The following TULP1 variants were observed in gnomAD, a reference collection of about 807,000 sequenced individuals.
The protein encoded by TULP1 is TUB like protein 1, also known as tubby-related protein 1.
TULP1 carries 50 observed loss-of-function variants against 67.1 expected under a neutral mutation model. That is an observed-to-expected ratio of 0.75 (90% CI 0.59 to 0.94). The LOEUF is 0.94. Ranked by LOEUF, TULP1 falls within the 40% of genes least tolerant of loss-of-function variation. The pLI is 0.00. For synonymous variants in TULP1, 297 were observed against 294.0 expected, an observed-to-expected ratio of 1.01 and a Z score of -0.11; for missense variants, 746 against 734.1, an observed-to-expected ratio of 1.02 and a Z score of -0.19.
At position 35,503,993 on chromosome 6, in the gene TULP1, G is replaced by T. The variant is rs890096636; in HGVS notation, c.1113-145C>A. ...TGAGCAATTCATGTCCCCTGCCCCA[G>T]GCTTCCCCCTATGCAGAGGTCTTTT... is the stretch of plus-strand genomic sequence containing the variant. On this transcript the variant is annotated intron_variant, in intron 11 of 14. Coordinates refer to ENST00000229771, the MANE Select transcript of TULP1 (RefSeq NM_003322.6). This position sits in a 1 kb window ranked among gnomAD's most constrained non-coding sequence, Gnocchi z 4.0. The T allele has an allele frequency of 6.2e-6, 4 of 642,366 alleles. No homozygotes were observed. Among genetic ancestry groups the T allele is most frequent in the Non-Finnish European group, 1.1e-5 (4 of 364,398 alleles). The allele number at this position is 642,366 out of a possible 1,614,324, so 39.8% of individuals were successfully genotyped here.
In TULP1 at chr6:35,510,973, TTCCTCGTCC is replaced by T. The variant is rs758969883; in HGVS notation, c.378_386del (p.Asp127_Glu129del). 4.4e-5 allele frequency: 70 copies of T among 1,603,002 alleles called. No individual in the cohort carries two copies. Among genetic ancestry groups the T allele is most frequent in the Middle Eastern group, 3.3e-4 (2 of 6,010 alleles). The stretch of plus-strand genomic sequence containing the variant: ...TCTCTTTCTTTTCCTCTGCCTCCTC[TTCCTCGTCC>T]TCCTCGTCCTCCTCTTCCTCCTCCT... On this transcript the variant is annotated inframe_deletion, in exon 5 of 15. Coordinates refer to ENST00000229771, the MANE Select transcript of TULP1 (RefSeq NM_003322.6).
At chr6:35,511,142 C>G (rs146741084) in intron 4 of TULP1, 132 bp from the exon 5 acceptor site, 1 of 1,530,814 alleles carries the variant, frequency 6.5e-7, no homozygotes, top group Non-Finnish European at 8.7e-7. Context: ...AAACAAGAAC[C>G]GGAGACCTGG....
intron 8 of TULP1, 56 bp from the exon 9 acceptor site, chr6:35,506,335 C>T: frequency 6.5e-7 from 1 of 1,548,690 alleles, no homozygotes; most frequent in East Asian, 2.4e-5. Context: ...TCCCTGGAGG[C>T]GGGGAAGCCA....
chr6:35,512,202 TC>T lies in TULP1; in HGVS notation c.167del (p.Gly56AspfsTer53). ...CACCTCCGGGCTTCCGGGGCTTGGA[TC>T]CCGTGGGGCAGGGGGATTCGGGGGC... is the stretch of plus-strand genomic sequence containing the variant. ...TEAPESPCPT[G>X]SKPRKPGAGR... On this transcript the variant is annotated frameshift_variant, in exon 3 of 15. Coordinates refer to ENST00000229771, the MANE Select transcript of TULP1 (RefSeq NM_003322.6). LOFTEE classifies it high-confidence loss of function. 7.4e-7 allele frequency: 1 copy of T among 1,355,746 alleles called. No homozygotes were observed. The highest frequency in any genetic ancestry group is 9.5e-7 in the Non-Finnish European group (1 of 1,053,110). The allele number at this position is 1,355,746 out of a possible 1,614,324, so 84.0% of individuals were successfully genotyped here.
rs898913478 is a variant in TULP1, at chr6:35,498,165, C to T, written c.*162G>A. ...CGGGCTCCTCCTGCCTCGGCCTGTG[C>T]CAGGCTGGGGAGAGGACGGAGGTCA... On this transcript the variant is annotated 3_prime_UTR_variant, in exon 15 of 15. Coordinates refer to ENST00000229771, the MANE Select transcript of TULP1 (RefSeq NM_003322.6). This position sits in a 1 kb window ranked among gnomAD's most constrained non-coding sequence, Gnocchi z 6.7. 51 of 1,223,862 alleles carry T rather than the reference C, an allele frequency of 4.2e-5. No homozygotes were observed. The highest frequency in any genetic ancestry group is 1.9e-4 in the Admixed American group (8 of 41,246). The allele number at this position is 1,223,862 out of a possible 1,614,324, so 75.8% of individuals were successfully genotyped here. A position where few individuals can be genotyped will look rare whatever the true frequency, so the allele number is the denominator to read the frequency against.
chr6:35,505,956 T>C, intron 10 of TULP1, 47 bp downstream of exon 10: 2 of 1,614,096 alleles, frequency 1.2e-6, no homozygotes, highest in Non-Finnish European at 1.7e-6. Context: ...GTGGCCCCCA[T>C]GCCGGATCCC....
chr6:35,503,428 C>T lies in TULP1; in HGVS notation c.1323+131G>A. 3.2e-6 allele frequency: 3 copies of T among 942,118 alleles called. No individual in the cohort carries two copies. Among genetic ancestry groups the T allele is most frequent in the Non-Finnish European group, 4.9e-6 (3 of 612,632 alleles). 58.4% of individuals were successfully genotyped at this position (942,118 alleles called of 1,614,324 possible). A position where few individuals can be genotyped will look rare whatever the true frequency, so the allele number is the denominator to read the frequency against. ...CAATTACAAAAAGCCCAAGTCCATT[C>T]CCTAGGTGGCCAGAATGAATTTGTG... On this transcript the variant is annotated intron_variant, in intron 13 of 14. Coordinates refer to ENST00000229771, the MANE Select transcript of TULP1 (RefSeq NM_003322.6). The surrounding 1 kb of genome is among the most constrained non-coding windows in gnomAD (Gnocchi z 4.0).
Position 35,497,954 on chromosome 6 carries a change from C to T in TULP1, c.*373G>A, listed in dbSNP as rs978229191. 1.7e-5 allele frequency: 6 copies of T among 351,276 alleles called. No individual in the cohort carries two copies. The highest frequency in any genetic ancestry group is 1.0e-4 in the African/African-American group (5 of 47,900). 21.8% of individuals were successfully genotyped at this position (351,276 alleles called of 1,614,324 possible). ...CACCTACCCCCTCCTCCTAGCCCGCCCCAGCTCCTCGGAGCCCTAGCGCGG... is the reference window on the plus strand; with the variant it reads ...CACCTACCCCCTCCTCCTAGCCCGCTCCAGCTCCTCGGAGCCCTAGCGCGG... On this transcript the variant is annotated 3_prime_UTR_variant, in exon 15 of 15. Coordinates refer to ENST00000229771, the MANE Select transcript of TULP1 (RefSeq NM_003322.6).
In TULP1 at chr6:35,511,936, G is replaced by T. The variant is rs191847245; in HGVS notation, c.191-130C>A. 6.0e-4 allele frequency: 661 copies of T among 1,109,176 alleles called. 3 individuals carry two copies. In the East Asian group the frequency reaches 0.012, roughly 20 times the overall value. The allele number at this position is 1,109,176 out of a possible 1,614,324, so 68.7% of individuals were successfully genotyped here. A position where few individuals can be genotyped will look rare whatever the true frequency, so the allele number is the denominator to read the frequency against. ...CCCTAGGGATCTCCCCTGGGCTTGG[G>T]TTTCCACTTTCAACACTTCTCCCCG... On this transcript the variant is annotated intron_variant, in intron 3 of 14. Coordinates refer to ENST00000229771, the MANE Select transcript of TULP1 (RefSeq NM_003322.6).
At position 35,506,128 on chromosome 6, in the gene TULP1, G is replaced by A. The variant is rs1013492948; in HGVS notation, c.874C>T (p.Arg292Trp). The A allele has an allele frequency of 7.4e-6, 12 of 1,613,532 alleles. No individual in the cohort carries two copies. The highest frequency in any genetic ancestry group is 2.7e-5 in the African/African-American group (2 of 74,920). The change falls in exon 10 of 15, where the codon CGG becomes TGG. Residue 292 changes from arginine (R) to tryptophan (W), a missense_variant. Arg to Trp is a moderately radical substitution (Grantham distance 101, BLOSUM62 -3). Around this residue, in one of 3 missense-constraint regions of TULP1, gnomAD observed 383 missense variants for 374.1 expected, o/e 1.02. Transcript: ENST00000229771. ...PSPPVEVDEP[R>W]EFVLRPAPQG... ...GGGGCAGGCCGGAGCACAAACTCCC[G>A]GGGTTCGTCCACCTCCACGGGGGGA...
At chr6:35,500,268 C>A in intron 13 of TULP1, 116 bp from the exon 14 acceptor site, 1 of 1,101,444 alleles carries the variant, frequency 9.1e-7, no homozygotes, top group Non-Finnish European at 1.4e-6. Context: ...GCCTGGACAT[C>A]TTCATCCATT....
At position 35,512,029 on chromosome 6, in the gene TULP1, A is replaced by G. The variant is rs1298808357; in HGVS notation, c.190+151T>C. ...CCCTTCTACACCAACCCCAACCCCA[A>G]CCCCAACCCCAATCCCTCCCCTCTC... On this transcript the variant is annotated intron_variant, in intron 3 of 14. Coordinates refer to ENST00000229771, the MANE Select transcript of TULP1 (RefSeq NM_003322.6). 3 of 393,236 alleles carry G rather than the reference A, an allele frequency of 7.6e-6. No homozygotes were observed. In the African/African-American group the frequency reaches 9.3e-5, roughly 12 times the overall value. The allele number at this position is 393,236 out of a possible 1,614,324, so 24.4% of individuals were successfully genotyped here. A position where few individuals can be genotyped will look rare whatever the true frequency, so the allele number is the denominator to read the frequency against.
Position 35,512,709 on chromosome 6 carries a change from T to C in TULP1, c.48-19A>G. The C allele has an allele frequency of 6.2e-7, 1 of 1,613,558 alleles. No individual in the cohort carries two copies. The highest frequency in any genetic ancestry group is 8.5e-7 in the Non-Finnish European group (1 of 1,179,962). On this transcript the variant is annotated intron_variant, in intron 1 of 14. Transcript: ENST00000229771. ...ATGCCCACTGAGGGTAGCAAAGGGA[T>C]CAGCCTGTCTCCCTTCCCCTTCCCT...
chr6:35,498,307 G>A lies in TULP1; in HGVS notation c.*20C>T, dbSNP rs377662962. The A allele has an allele frequency of 1.2e-6, 2 of 1,611,184 alleles. No homozygotes were observed. The highest frequency in any genetic ancestry group is 1.7e-6 in the Non-Finnish European group (2 of 1,179,322). ...TCCCCCACGCTGACGGGCTCTGGGG[G>A]CGCTGAGGGGCTGCTGGGGTCACTC... is the stretch of plus-strand genomic sequence containing the variant. On this transcript the variant is annotated 3_prime_UTR_variant, in exon 15 of 15. Coordinates refer to ENST00000229771, the MANE Select transcript of TULP1 (RefSeq NM_003322.6). This position sits in a 1 kb window ranked among gnomAD's most constrained non-coding sequence, Gnocchi z 6.7.
intron 4 of TULP1, among the ~76,000 whole-genome samples, chr6:35,511,382 TC>T: frequency 6.6e-6 from 1 of 152,292 alleles, no homozygotes; most frequent in South Asian, 2.1e-4. Flanking sequence ...CTGGGCTACT[TC>T]TGGCTCCTAA....
At position 35,503,992 on chromosome 6, in the gene TULP1, A is replaced by C. The variant is rs138261061; in HGVS notation, c.1113-144T>G. On this transcript the variant is annotated intron_variant, in intron 11 of 14. Transcript: ENST00000229771. The surrounding 1 kb of genome is among the most constrained non-coding windows in gnomAD (Gnocchi z 4.0). The stretch of plus-strand genomic sequence containing the variant: ...CTGAGCAATTCATGTCCCCTGCCCC[A>C]GGCTTCCCCCTATGCAGAGGTCTTT... 3.3e-3 allele frequency: 2,109 copies of C among 645,862 alleles called. 5 individuals carry two copies. Among genetic ancestry groups the C allele is most frequent in the Middle Eastern group, 4.5e-3 (11 of 2,422 alleles). The allele number at this position is 645,862 out of a possible 1,614,324, so 40.0% of individuals were successfully genotyped here.
intron 8 of TULP1, among the ~76,000 whole-genome samples, chr6:35,506,815 C>T (rs1192583844): frequency 6.6e-6 from 1 of 152,086 alleles, no homozygotes; most frequent in African/African-American, 2.4e-5. Context: ...CTATGAGGTC[C>T]AGAGCCTTTA....
chr6:35,503,484 G>A lies in TULP1; in HGVS notation c.1323+75C>T. On this transcript the variant is annotated intron_variant, in intron 13 of 14. Coordinates refer to ENST00000229771, the MANE Select transcript of TULP1 (RefSeq NM_003322.6). This position sits in a 1 kb window ranked among gnomAD's most constrained non-coding sequence, Gnocchi z 4.0. ...GGGTGATGGATGTGCTCAGGGAGTT[G>A]GCTATTTCCTAAGCTGAGCCCCGAC... 1 of 1,410,352 alleles carries A rather than the reference G, an allele frequency of 7.1e-7. No homozygotes were observed. The allele number at this position is 1,410,352 out of a possible 1,614,324, so 87.4% of individuals were successfully genotyped here.
At position 35,509,286 on chromosome 6, in the gene TULP1, C is replaced by T; in HGVS notation, c.745G>A (p.Glu249Lys). The T allele has an allele frequency of 5.0e-6, 8 of 1,614,056 alleles. No homozygotes were observed. The highest frequency in any genetic ancestry group is 6.8e-6 in the Non-Finnish European group (8 of 1,179,950). Residue 249 changes from glutamate to lysine, a missense_variant, in exon 8 of 15, where the codon GAA becomes AAA. Glu to Lys is a moderately conservative substitution (Grantham distance 56). Around this residue, in one of 3 missense-constraint regions of TULP1, gnomAD observed 359 missense variants for 341.9 expected, o/e 1.05. Coordinates refer to ENST00000229771, the MANE Select transcript of TULP1 (RefSeq NM_003322.6). ...GTAGCTGCCTCCTCCTCCTCTTCTTCCTCCTTCCTCGCGCCTTTGGGAGTG... is the reference window on the plus strand; with the variant it reads ...GTAGCTGCCTCCTCCTCCTCTTCTTTCTCCTTCCTCGCGCCTTTGGGAGTG... ...KGTPKGARKE[E>K]EEEEEAATVI...
Sources: allele counts gnomAD v4.1 joint callset (sites outside exome capture counted in the v4.1 genomes callset), GRCh38; gene constraint gnomAD v4.1.1; regional missense constraint gnomAD v4.1.1; non-coding constraint Gnocchi (gnomAD v3.1); transcripts MANE v1.5; gene names NCBI Gene and HGNC (gene_info 2026-07-23, HGNC 2026-07-21).